Variants in WNK3 observed in about 807,000 individuals in gnomAD.
WNK3 encodes the protein serine/threonine-protein kinase WNK3.
A neutral mutation model predicts 116.7 loss-of-function variants in WNK3; 18 were observed. The ratio of observed to expected loss-of-function variants is 0.15; its 90% CI spans 0.11 to 0.23. WNK3 has a LOEUF of 0.23. Ranked by LOEUF, WNK3 falls within the 10% of genes least tolerant of loss-of-function variation. The pLI is 1.00. For missense variants in WNK3, 993 were observed against 1,323.8 expected (o/e 0.75, Z 3.88); for synonymous variants, 404 against 469.4 (o/e 0.86, Z 1.80).
At chrX:54,289,130 C>G (rs1337551592) in intron 10 of WNK3, among the ~76,000 whole-genome samples, 2 of 111,497 alleles carry the variant, frequency 1.8e-5, no homozygotes, top group East Asian at 5.6e-4. Flanking sequence ...AGAGGTTGCA[C>G]TAGATAAGCA....
At chrX:54,267,093 G>GAC (rs1557157908) in intron 10 of WNK3, among the ~76,000 whole-genome samples, 1 of 111,567 alleles carries the variant, frequency 9.0e-6, no homozygotes, top group Non-Finnish European at 1.9e-5. Flanking sequence ...CTACTATGAA[G>GAC]ACACATGCAC....
chrX:54,275,413 ATATGTGTGTGTGTGTG>A (rs1245516332), intron 10 of WNK3, among the ~76,000 whole-genome samples: 24 of 58,334 alleles, frequency 4.1e-4, no homozygotes, highest in African/African-American at 1.2e-3. Context: ...GTATAAGTTC[ATATGTGTGTGTGTGTG>A]TGTGTGTGTG....
intron 7 of WNK3, among the ~76,000 whole-genome samples, chrX:54,295,836 C>T (rs781819734): frequency 6.3e-5 from 7 of 111,014 alleles, no homozygotes; most frequent in Non-Finnish European, 9.4e-5. Flanking sequence ...CACAGGCATG[C>T]ACCACCACAC....
intron 1 of WNK3, among the ~76,000 whole-genome samples, chrX:54,343,266 T>C (rs1557176771): frequency 9.1e-6 from 1 of 110,139 alleles, no homozygotes; most frequent in Non-Finnish European, 1.9e-5. Context: ...CCTAGCACTT[T>C]GGGAGGCCGA....
chrX:54,257,517 A>AG (rs1385048327), intron 11 of WNK3, among the ~76,000 whole-genome samples: 1 of 111,266 alleles, frequency 9.0e-6, no homozygotes, highest in East Asian at 2.8e-4. Flanking sequence ...TCAATAGGCC[A>AG]GGCATGGTGG....
intron 23 of WNK3, among the ~76,000 whole-genome samples, chrX:54,201,332 G>A (rs1197890594): frequency 1.8e-5 from 2 of 111,461 alleles, no homozygotes; most frequent in African/African-American, 6.5e-5. Flanking sequence ...ATGCATTGTG[G>A]GCATCTTTCT....
chrX:54,337,505 G>A (rs1007327284), intron 1 of WNK3, among the ~76,000 whole-genome samples: 1 of 108,328 alleles, frequency 9.2e-6, no homozygotes, highest in Admixed American at 1.0e-4. Context: ...GTTGCAGAGA[G>A]CCGAGATTGC....
chrX:54,296,781 C>T (rs184147082), intron 7 of WNK3, among the ~76,000 whole-genome samples: 86 of 110,902 alleles, frequency 7.8e-4, no homozygotes, highest in East Asian at 5.4e-3. Flanking sequence ...CATGCTGCTG[C>T]GGCTCCTGCA....
chrX:54,354,425 G>A (rs1383243072), intron 1 of WNK3, among the ~76,000 whole-genome samples: 1 of 111,669 alleles, frequency 9.0e-6, no homozygotes, highest in African/African-American at 3.3e-5. Flanking sequence ...TATATTGAGA[G>A]ACTGAGAAAG....
chrX:54,317,012 A>T (rs1398315542), intron 2 of WNK3, among the ~76,000 whole-genome samples: 1 of 111,718 alleles, frequency 9.0e-6, no homozygotes, highest in Non-Finnish European at 1.9e-5. Context: ...TCATAGCAGC[A>T]TTATTCACAA....
chrX:54,216,814 C>T (rs1448932499), intron 22 of WNK3, among the ~76,000 whole-genome samples: 1 of 112,024 alleles, frequency 8.9e-6, no homozygotes, highest in Non-Finnish European at 1.9e-5. Flanking sequence ...CATCACTAAA[C>T]GGCACTAGCC....
chrX:54,295,137 T>C (rs2147116627), intron 7 of WNK3, among the ~76,000 whole-genome samples: 1 of 109,099 alleles, frequency 9.2e-6, no homozygotes, highest in South Asian at 4.1e-4. Flanking sequence ...GACGTCGTGA[T>C]CCACCGCCTC....
intron 10 of WNK3, among the ~76,000 whole-genome samples, chrX:54,275,412 C>CGTGTGTGTGT (rs1569537519): frequency 5.6e-4 from 25 of 44,437 alleles, no homozygotes; most frequent in African/African-American, 2.1e-3. Flanking sequence ...GGTATAAGTT[C>CGTGTGTGTGT]ATATGTGTGT....
At chrX:54,349,300 T>C (rs991308147) in intron 1 of WNK3, among the ~76,000 whole-genome samples, 3 of 112,292 alleles carry the variant, frequency 2.7e-5, no homozygotes, top group Non-Finnish European at 5.6e-5. Flanking sequence ...ATCGTGCCAC[T>C]GCACTCCAGC....
intron 5 of WNK3, among the ~76,000 whole-genome samples, chrX:54,304,097 C>T (rs925524487): frequency 2.7e-5 from 3 of 112,053 alleles, no homozygotes; most frequent in Non-Finnish European, 5.6e-5. Context: ...CAACAGTCAA[C>T]ATTTTGCCAA....
chrX:54,274,607 T>C (rs2068420194), intron 10 of WNK3, among the ~76,000 whole-genome samples: 1 of 111,723 alleles, frequency 9.0e-6, no homozygotes, highest in East Asian at 2.8e-4. Flanking sequence ...TATTTCTCCA[T>C]GAAAACAAAC....
At chrX:54,223,344 T>C (rs1360719788) in intron 22 of WNK3, 1 of 111,648 alleles carries the variant, frequency 9.0e-6, no homozygotes, top group East Asian at 2.8e-4. Context: ...GAATGAAGGC[T>C]AAGTGGAAGA....
chrX:54,237,997 C>T (rs7881792), intron 19 of WNK3, among the ~76,000 whole-genome samples: 3,516 of 110,734 alleles, frequency 0.032, 135 homozygotes, highest in African/African-American at 0.11. Flanking sequence ...TTTGGGAGGC[C>T]GAGGCAGGCG....
intron 22 of WNK3, among the ~76,000 whole-genome samples, chrX:54,219,478 G>A (rs900265682): frequency 3.7e-5 from 4 of 108,893 alleles, no homozygotes; most frequent in African/African-American, 1.3e-4. Flanking sequence ...TCAGGAGTTC[G>A]AGACCAACCT....
Sources: gnomAD v4.1 joint callset for allele counts (sites outside exome capture counted in the v4.1 genomes callset) on GRCh38, gnomAD v4.1.1 for gene constraint, MANE v1.5 for transcripts, NCBI Gene and HGNC (gene_info 2026-07-23, HGNC 2026-07-21) for gene names.